Variants in DAB2IP observed in about 807,000 individuals in gnomAD.
DAB2IP encodes the protein DAB2 interacting protein.
DAB2IP carries 28 observed loss-of-function variants against 107.2 expected under a neutral mutation model. That is an observed-to-expected ratio of 0.26 (90% CI 0.19 to 0.36). The LOEUF is 0.36. DAB2IP is among the 10% of genes least tolerant of loss of function. DAB2IP has a pLI of 1.00. For missense variants in DAB2IP, 1,400 were observed against 1,644.7 expected, an observed-to-expected ratio of 0.85 and a Z score of 2.57; for synonymous variants, 755 against 706.4, an observed-to-expected ratio of 1.07 and a Z score of -1.09.
At position 121,736,977 on chromosome 9, in the gene DAB2IP, A is replaced by G. The variant is rs374425075; in HGVS notation, c.363-20036A>G. ...GGAGGTGGGAGTTGCCCCTTTAGCT[A>G]GAGAGATCAGGGAAGGCCTCTTCCT... On this transcript the variant is annotated intron_variant, in intron 3 of 15. Transcript: ENST00000408936. This position sits in a 1 kb window ranked among gnomAD's most constrained non-coding sequence, Gnocchi z 4.6. Among the ~76,000 whole-genome samples the G allele has an allele frequency of 6.6e-6, 1 of 152,192 alleles. No homozygotes were observed. The highest frequency in any genetic ancestry group is 2.4e-5 in the African/African-American group (1 of 41,444).
intron 1 of DAB2IP, among the ~76,000 whole-genome samples, chr9:121,595,659 G>A (rs1342288850): frequency 2.0e-5 from 3 of 151,862 alleles, no homozygotes; most frequent in Admixed American, 6.6e-5. Context: ...TTACTAAGAT[G>A]TGTGAATGTG....
At chr9:121,767,180 G>C (rs1267697084) in intron 9 of DAB2IP, among the ~76,000 whole-genome samples, 1 of 152,230 alleles carries the variant, frequency 6.6e-6, no homozygotes, top group Admixed American at 6.5e-5. Flanking sequence ...TGTCTTTGCT[G>C]ATAAAGCACT....
chr9:121,760,800 C>T lies in DAB2IP; in HGVS notation c.1170+361C>T, dbSNP rs1173607922. Among the ~76,000 whole-genome samples, 1 of 152,194 alleles carries T rather than the reference C, an allele frequency of 6.6e-6. No individual in the cohort carries two copies. The highest frequency in any genetic ancestry group is 2.4e-5 in the African/African-American group (1 of 41,440). Reference sequence around the variant, plus strand: ...CCAGCACACAGGTCCCACAACGCCACCAGCCGCAGTGAGCCAAACACACGT... The same window carrying T: ...CCAGCACACAGGTCCCACAACGCCATCAGCCGCAGTGAGCCAAACACACGT... On this transcript the variant is annotated intron_variant, in intron 6 of 15. Coordinates refer to ENST00000408936, the Ensembl canonical transcript of DAB2IP. This position sits in a 1 kb window ranked among gnomAD's most constrained non-coding sequence, Gnocchi z 5.9.
intron 1 of DAB2IP, among the ~76,000 whole-genome samples, chr9:121,604,684 C>T (rs564362353): frequency 7.2e-5 from 11 of 152,288 alleles, no homozygotes; most frequent in South Asian, 2.1e-4. Context: ...AAGGGTGAGC[C>T]GTTCCTCCGG....
chr9:121,735,621 C>T (rs907705313), intron 3 of DAB2IP, among the ~76,000 whole-genome samples: 2 of 152,104 alleles, frequency 1.3e-5, no homozygotes, highest in African/African-American at 2.4e-5. Context: ...ATATTTACAT[C>T]GGGAGGCTGT....
chr9:121,630,189 G>A (rs1326654264), intron 1 of DAB2IP, among the ~76,000 whole-genome samples: 3 of 152,118 alleles, frequency 2.0e-5, no homozygotes, highest in Non-Finnish European at 2.9e-5. Context: ...TTTGTTCACC[G>A]TACTTCAAAA....
At chr9:121,722,674 G>A (rs867044517) in intron 3 of DAB2IP, among the ~76,000 whole-genome samples, 1 of 151,724 alleles carries the variant, frequency 6.6e-6, no homozygotes, top group African/African-American at 2.4e-5. Flanking sequence ...TGGATCATAG[G>A]GGGAGTGACA....
chr9:121,656,218 G>C (rs12380555), intron 1 of DAB2IP, among the ~76,000 whole-genome samples: 30,368 of 152,036 alleles, frequency 0.2, 3,750 homozygotes, highest in South Asian at 0.31. Flanking sequence ...ATGTTGGTCA[G>C]GCTGGTCTCG....
At chr9:121,672,408 G>T (rs894524974) in intron 1 of DAB2IP, among the ~76,000 whole-genome samples, 2 of 152,230 alleles carry the variant, frequency 1.3e-5, no homozygotes, top group Admixed American at 6.5e-5. Context: ...TCAGGCCGCC[G>T]TGTTTCCATG....
intron 1 of DAB2IP, among the ~76,000 whole-genome samples, chr9:121,581,514 G>A (rs983978480): frequency 6.6e-6 from 1 of 152,206 alleles, no homozygotes; most frequent in Non-Finnish European, 1.5e-5. Flanking sequence ...TAGAACTCTG[G>A]CTGGAAAACG....
chr9:121,572,612 G>A (rs1829972125), intron 1 of DAB2IP, among the ~76,000 whole-genome samples: 1 of 152,140 alleles, frequency 6.6e-6, no homozygotes, highest in South Asian at 2.1e-4. Flanking sequence ...GTTATTGGGT[G>A]GCCTGGACCA....
At chr9:121,762,484 T>A (rs149782568) in intron 6 of DAB2IP, among the ~76,000 whole-genome samples, 5 of 152,318 alleles carry the variant, frequency 3.3e-5, no homozygotes, top group Non-Finnish European at 7.3e-5. Flanking sequence ...AGGAAGCCAA[T>A]GACAGCTTCC....
At chr9:121,674,378 C>T (rs1833802100) in intron 1 of DAB2IP, among the ~76,000 whole-genome samples, 1 of 152,162 alleles carries the variant, frequency 6.6e-6, no homozygotes, top group Non-Finnish European at 1.5e-5. Flanking sequence ...TGGGAAGGTG[C>T]CCCAGGTTTC....
At chr9:121,577,568 C>A (rs1830094294) in intron 1 of DAB2IP, among the ~76,000 whole-genome samples, 1 of 152,190 alleles carries the variant, frequency 6.6e-6, no homozygotes, top group African/African-American at 2.4e-5. Flanking sequence ...CAGACTGCAC[C>A]AGAAAGAGTT....
rs1162025515 is a variant in DAB2IP at position 121,599,986 on chromosome 9, C to A, written c.40+32758C>A. 6.6e-6 allele frequency among the ~76,000 whole-genome samples: 1 copy of A among 152,162 alleles called. No homozygotes were observed. The highest frequency in any genetic ancestry group is 1.5e-5 in the Non-Finnish European group (1 of 68,018). On this transcript the variant is annotated intron_variant, in intron 1 of 16. Transcript: ENST00000259371. The surrounding 1 kb of genome is among the most constrained non-coding windows in gnomAD (Gnocchi z 6.9). ...GCGATGCATTGAGCCTTTAAACTTT[C>A]CTGTGCGCCCTGCCCAGATCTCGAC...
chr9:121,703,856 A>G (rs1829916507), intron 3 of DAB2IP, among the ~76,000 whole-genome samples: 1 of 152,160 alleles, frequency 6.6e-6, no homozygotes, highest in South Asian at 2.1e-4. Context: ...TTCAAGAGAT[A>G]ATAGATGTTG....
chr9:121,741,386 G>A (rs1468883191), intron 3 of DAB2IP, among the ~76,000 whole-genome samples: 1 of 152,114 alleles, frequency 6.6e-6, no homozygotes, highest in East Asian at 1.9e-4. Context: ...CTGGAGGCAG[G>A]GCCCCTCCCG....
At chr9:121,661,950 C>T (rs919905926) in intron 1 of DAB2IP, among the ~76,000 whole-genome samples, 5 of 151,592 alleles carry the variant, frequency 3.3e-5, no homozygotes, top group South Asian at 2.1e-4. Flanking sequence ...CACTGCACTC[C>T]GCCCTGGGCA....
At chr9:121,747,846 C>T (rs1285665811) in intron 3 of DAB2IP, among the ~76,000 whole-genome samples, 1 of 143,542 alleles carries the variant, frequency 7.0e-6, no homozygotes, top group East Asian at 2.0e-4. Flanking sequence ...CTCTGCACCC[C>T]TCCTCCCCCG....
Sources: gnomAD v4.1 joint callset for allele counts (sites outside exome capture counted in the v4.1 genomes callset) on GRCh38, gnomAD v4.1.1 for gene constraint, Gnocchi (gnomAD v3.1) non-coding constraint, MANE v1.5 for transcripts, NCBI Gene and HGNC (gene_info 2026-07-23, HGNC 2026-07-21) for gene names.